EGFR: variants seen among roughly 807,000 people sequenced by gnomAD.
EGFR encodes the protein avian erythroblastic leukemia viral (v-erb-b) oncogene homolog.
In EGFR, 58 loss-of-function variants were observed where a neutral mutation model predicts 143.0. That is an observed-to-expected ratio of 0.41 (90% CI 0.33 to 0.50). The LOEUF (loss-of-function observed/expected upper bound fraction) is 0.50. Ranked by LOEUF, EGFR falls within the 20% of genes least tolerant of loss-of-function variation. The pLI, the probability that EGFR is intolerant of heterozygous loss-of-function variation, is 0.39. For missense variants in EGFR, 1,307 were observed against 1,579.0 expected (o/e 0.83, Z 2.92); for synonymous variants, 613 against 594.4 (o/e 1.03, Z -0.45).
chr7:55,033,065 C>T (rs771415202), intron 1 of EGFR, among the ~76,000 whole-genome samples: 26 of 152,182 alleles, frequency 1.7e-4, no homozygotes, highest in Non-Finnish European at 2.9e-5. Context: ...TTTTCTCAAT[C>T]TGAAAATTTT....
chr7:55,114,749 T>C (rs912765140), intron 1 of EGFR, among the ~76,000 whole-genome samples: 1 of 152,176 alleles, frequency 6.6e-6, no homozygotes, highest in Admixed American at 6.5e-5. Flanking sequence ...TCAATGTGTT[T>C]ATGTTTTGTT....
chr7:55,061,932 C>T (rs933756255), intron 1 of EGFR, among the ~76,000 whole-genome samples: 1 of 152,228 alleles, frequency 6.6e-6, no homozygotes, highest in Admixed American at 6.5e-5. Context: ...CATCAAAGGA[C>T]CAAGCGCTTG....
intron 1 of EGFR, among the ~76,000 whole-genome samples, chr7:55,107,511 A>T (rs185001424): frequency 6.6e-6 from 1 of 152,334 alleles, no homozygotes; most frequent in Non-Finnish European, 1.5e-5. Context: ...TGGCAGTATA[A>T]CCCCAAATAG....
chr7:55,073,272 G>A (rs536997285), intron 1 of EGFR, among the ~76,000 whole-genome samples: 3 of 152,310 alleles, frequency 2.0e-5, no homozygotes, highest in East Asian at 1.9e-4. Context: ...TACCAGCCAC[G>A]CTGCCTTGCA....
intron 2 of EGFR, 76 bp from the exon 3 acceptor site, chr7:55,143,229 C>T (rs780896196): frequency 2.1e-5 from 32 of 1,558,672 alleles, no homozygotes; most frequent in Middle Eastern, 2.2e-4. Flanking sequence ...TCCTAGGGCT[C>T]CCTGGACCCA....
At chr7:55,110,197 C>G (rs923502594) in intron 1 of EGFR, among the ~76,000 whole-genome samples, 1 of 151,950 alleles carries the variant, frequency 6.6e-6, no homozygotes, top group African/African-American at 2.4e-5. Context: ...CTATAAAATT[C>G]TAGACATAGT....
chr7:55,146,459 C>CT, intron 3 of EGFR, 147 bp from the exon 4 acceptor site: 1 of 1,281,934 alleles, frequency 7.8e-7, no homozygotes, highest in Non-Finnish European at 1.1e-6. Context: ...TGGCCGCCCC[C>CT]CGGGAAGTTC....
chr7:55,118,432 T>C (rs1357667034), intron 1 of EGFR, among the ~76,000 whole-genome samples: 4 of 152,200 alleles, frequency 2.6e-5, no homozygotes, highest in African/African-American at 9.7e-5. Flanking sequence ...AGTAGGTACC[T>C]GAAGGCACCA....
At chr7:55,088,165 A>G (rs530371490) in intron 1 of EGFR, among the ~76,000 whole-genome samples, 1 of 152,294 alleles carries the variant, frequency 6.6e-6, no homozygotes, top group African/African-American at 2.4e-5. Context: ...AGCCTGAGGT[A>G]CATGGAAAGG....
intron 19 of EGFR, among the ~76,000 whole-genome samples, chr7:55,178,063 G>A (rs572410044): frequency 1.2e-4 from 19 of 152,166 alleles, no homozygotes; most frequent in Non-Finnish European, 2.4e-4. Flanking sequence ...CACGCCCCCC[G>A]CTCTGCTCCC....
chr7:55,069,731 G>T (rs1271035489), intron 1 of EGFR, among the ~76,000 whole-genome samples: 1 of 152,194 alleles, frequency 6.6e-6, no homozygotes, highest in African/African-American at 2.4e-5. Flanking sequence ...ACCCACAGCA[G>T]GGCTGGTAGA....
At chr7:55,176,129 T>C (rs1158479092) in intron 19 of EGFR, among the ~76,000 whole-genome samples, 1 of 152,232 alleles carries the variant, frequency 6.6e-6, no homozygotes, top group Non-Finnish European at 1.5e-5. Flanking sequence ...ACCTGTGCTG[T>C]GTAGGAAAAT....
Position 55,152,211 on chromosome 7 carries a change from G to T in EGFR, c.629-335G>T, listed in dbSNP as rs989193667. On this transcript the variant is annotated intron_variant, in intron 5 of 27. Coordinates refer to ENST00000275493, the MANE Select transcript of EGFR (RefSeq NM_005228.5). ...ACACTATGTCCTTAAGCTGAATTGT[G>T]GGGGGGCTGTTAGGCCCTTCTAAAC... 23 of 440,134 alleles carry T rather than the reference G, an allele frequency of 5.2e-5. 1 individual carries two copies. The highest frequency in any genetic ancestry group is 1.7e-4 in the East Asian group (3 of 17,384). The allele number at this position is 440,134 out of a possible 1,614,324, so 27.3% of individuals were successfully genotyped here.
chr7:55,159,198 C>T (rs775308544), intron 11 of EGFR, among the ~76,000 whole-genome samples: 1 of 152,164 alleles, frequency 6.6e-6, no homozygotes, highest in Admixed American at 6.5e-5. Context: ...TCACACCCAT[C>T]GTGGTCTGGC....
intron 1 of EGFR, among the ~76,000 whole-genome samples, chr7:55,091,610 A>T (rs1431665036): frequency 6.6e-6 from 1 of 152,188 alleles, no homozygotes; most frequent in African/African-American, 2.4e-5. Context: ...TGTCGAAGCT[A>T]TTGGTGGAAA....
At chr7:55,183,955 C>T (rs11771471) in intron 20 of EGFR, among the ~76,000 whole-genome samples, 74,962 of 152,108 alleles carry the variant, frequency 0.49, 19,777 homozygotes, top group Middle Eastern at 0.64. Context: ...TCGGGCCATC[C>T]GTGTGAAATG....
intron 11 of EGFR, among the ~76,000 whole-genome samples, chr7:55,159,181 G>C (rs1344137799): frequency 6.6e-6 from 1 of 152,194 alleles, no homozygotes; most frequent in East Asian, 1.9e-4. Context: ...GTAGGGGCTA[G>C]AGGTTCTCAC....
intron 1 of EGFR, among the ~76,000 whole-genome samples, chr7:55,100,437 C>T (rs972930079): frequency 6.6e-6 from 1 of 152,220 alleles, no homozygotes; most frequent in Non-Finnish European, 1.5e-5. Flanking sequence ...TTGCCAGATC[C>T]TCAGGATTTG....
At chr7:55,110,773 T>C (rs1206260976) in intron 1 of EGFR, among the ~76,000 whole-genome samples, 1 of 152,198 alleles carries the variant, frequency 6.6e-6, no homozygotes, top group Non-Finnish European at 1.5e-5. Flanking sequence ...CTCTTGCCAT[T>C]CGCTGGCCAT....
Sources: allele counts gnomAD v4.1 joint callset (sites outside exome capture counted in the v4.1 genomes callset), GRCh38; gene constraint gnomAD v4.1.1; transcripts MANE v1.5; gene names NCBI Gene and HGNC (gene_info 2026-07-23, HGNC 2026-07-21).